USP48: variants seen among roughly 807,000 people sequenced by gnomAD.
The protein encoded by USP48 is ubiquitin specific peptidase 48, also known as ubiquitin carboxyl-terminal hydrolase 48.
USP48 carries 43 observed loss-of-function variants against 150.7 expected under a neutral mutation model. The observed-to-expected ratio is 0.29, with a 90% confidence interval of 0.22 to 0.37. The LOEUF (loss-of-function observed/expected upper bound fraction) is 0.37, where lower values mean the gene tolerates loss of function less well. USP48 is among the 10% of genes least tolerant of loss of function. The probability of loss-of-function intolerance (pLI) is 1.00; values close to 1 mark genes in which losing one functional copy is unlikely to be tolerated. For synonymous variants in USP48, 396 were observed against 425.9 expected (o/e 0.93, Z 0.86); for missense variants, 813 against 1,249.6 (o/e 0.65, Z 5.27).
At chr1:21,730,724 A>C (rs192627626) in intron 9 of USP48, among the ~76,000 whole-genome samples, 1 of 152,064 alleles carries the variant, frequency 6.6e-6, no homozygotes, top group Admixed American at 6.5e-5. Context: ...TGCAATCACT[A>C]AAGGGAATAT....
At chr1:21,714,182 A>G (rs1571823872) in intron 15 of USP48, among the ~76,000 whole-genome samples, 1 of 152,242 alleles carries the variant, frequency 6.6e-6, no homozygotes, top group Non-Finnish European at 1.5e-5. Flanking sequence ...CCTAAATATT[A>G]GCAATAAATT....
chr1:21,773,033 C>T (rs1205155869), intron 1 of USP48, among the ~76,000 whole-genome samples: 2 of 149,878 alleles, frequency 1.3e-5, no homozygotes, highest in Non-Finnish European at 1.5e-5. Context: ...CTGAGGCAGG[C>T]GGATCACATG....
chr1:21,680,880 G>A (rs201369975), intron 25 of USP48, 46 bp from the exon 26 acceptor site: 99 of 1,450,450 alleles, frequency 6.8e-5, no homozygotes, highest in Admixed American at 6.5e-4. Context: ...AAAGATTGTC[G>A]TGACAGACAG....
At chr1:21,753,223 A>C in intron 3 of USP48, 104 bp from the exon 4 acceptor site, 1 of 1,167,780 alleles carries the variant, frequency 8.6e-7, no homozygotes. Flanking sequence ...CTCTACATCC[A>C]AACTAGATTA....
chr1:21,764,489 A>T (rs1403752485), intron 1 of USP48, among the ~76,000 whole-genome samples: 3 of 151,098 alleles, frequency 2.0e-5, no homozygotes, highest in Non-Finnish European at 4.4e-5. Context: ...CTGGTGGATT[A>T]TGAGGTCAGG....
rs560693547 is a variant in USP48, at chr1:21,761,929, A to G, written c.135-4146T>C. Reference sequence around the variant, plus strand: ...AAGCTAGGGTTTTGTTTTAGTGCTTATAACTCATCTCTAATGGGAAAGGTC... The same window carrying G: ...AAGCTAGGGTTTTGTTTTAGTGCTTGTAACTCATCTCTAATGGGAAAGGTC... On this transcript the variant is annotated intron_variant, in intron 1 of 26. Transcript: ENST00000308271. Among the ~76,000 whole-genome samples the G allele has an allele frequency of 8.5e-5, 13 of 152,336 alleles. No homozygotes were observed. In the East Asian group the frequency reaches 1.3e-3, roughly 16 times the overall value.
chr1:21,680,845 GA>G lies in USP48; in HGVS notation c.3059-12del. ...CTTCTGGCATACAAACTGAAAAAAA[GA>G]AAAAAAGAAGAATTCCAAATTGAAA... is the stretch of plus-strand genomic sequence containing the variant. On this transcript the variant is annotated splice_polypyrimidine_tract_variant and intron_variant, in intron 25 of 26. Transcript: ENST00000308271. 6.3e-7 allele frequency: 1 copy of G among 1,580,536 alleles called. No homozygotes were observed. Among genetic ancestry groups the G allele is most frequent in the Admixed American group, 1.9e-5 (1 of 52,152 alleles).
At chr1:21,746,054 T>C (rs2097793757) in intron 8 of USP48, among the ~76,000 whole-genome samples, 1 of 152,210 alleles carries the variant, frequency 6.6e-6, no homozygotes, top group Admixed American at 6.5e-5. Context: ...TTCCCAATCA[T>C]GTCTCTTAAA....
intron 1 of USP48, among the ~76,000 whole-genome samples, chr1:21,772,619 T>C (rs2097884585): frequency 7.5e-6 from 1 of 133,790 alleles, no homozygotes. Context: ...CGAGGCTCCA[T>C]CTCAAAAAAA....
chr1:21,765,261 G>C (rs1344530642), intron 1 of USP48, among the ~76,000 whole-genome samples: 1 of 152,208 alleles, frequency 6.6e-6, no homozygotes, highest in African/African-American at 2.4e-5. Flanking sequence ...GTTTGGTTAT[G>C]ACGTACTAAG....
chr1:21,735,582 C>T (rs1032101580), intron 9 of USP48, among the ~76,000 whole-genome samples: 1 of 152,186 alleles, frequency 6.6e-6, no homozygotes. Flanking sequence ...GAAACCCTGT[C>T]TCTATTAAAA....
intron 23 of USP48, among the ~76,000 whole-genome samples, chr1:21,693,515 G>A (rs1309192582): frequency 1.3e-5 from 2 of 152,212 alleles, no homozygotes; most frequent in African/African-American, 4.8e-5. Context: ...TCTGGGGGCT[G>A]TGTGAACAGC....
chr1:21,707,555 C>T (rs1166493048), intron 15 of USP48, among the ~76,000 whole-genome samples: 2 of 152,084 alleles, frequency 1.3e-5, no homozygotes, highest in Middle Eastern at 3.2e-3. Flanking sequence ...TACTAGTCAC[C>T]GCCACCCTGC....
At chr1:21,713,034 C>T (rs1044569003) in intron 15 of USP48, among the ~76,000 whole-genome samples, 1 of 152,066 alleles carries the variant, frequency 6.6e-6, no homozygotes, top group Non-Finnish European at 1.5e-5. Flanking sequence ...ATTTCTTCCT[C>T]TCTCCCTCAC....
chr1:21,774,035 T>C (rs1350162060), intron 1 of USP48, among the ~76,000 whole-genome samples: 2 of 151,710 alleles, frequency 1.3e-5, no homozygotes, highest in Admixed American at 6.6e-5. Context: ...AATAATTAGG[T>C]GGGTATGGTG....
At chr1:21,763,837 A>AAGGG (rs1220123933) in intron 1 of USP48, among the ~76,000 whole-genome samples, 10 of 147,086 alleles carry the variant, frequency 6.8e-5, no homozygotes, top group South Asian at 4.7e-4. Flanking sequence ...GGGAGGAAGG[A>AAGGG]AGGGAGGGAG....
intron 14 of USP48, among the ~76,000 whole-genome samples, chr1:21,718,174 A>G (rs1478256232): frequency 1.3e-5 from 2 of 152,248 alleles, no homozygotes; most frequent in Non-Finnish European, 2.9e-5. Flanking sequence ...AAGGACCCTC[A>G]CTGCATCTGT....
intron 22 of USP48, among the ~76,000 whole-genome samples, chr1:21,700,083 T>C (rs1443613590): frequency 6.6e-6 from 1 of 150,814 alleles, no homozygotes. Flanking sequence ...CCCTGTTCCT[T>C]ATGCCAAGGA....
intron 24 of USP48, 49 bp downstream of exon 24, chr1:21,689,925 T>A: frequency 6.2e-7 from 1 of 1,606,848 alleles, no homozygotes; most frequent in Non-Finnish European, 8.5e-7. Context: ...CACATAGTTA[T>A]GTAACATGTA....
Sources: allele counts gnomAD v4.1 joint callset (sites outside exome capture counted in the v4.1 genomes callset), GRCh38; gene constraint gnomAD v4.1.1; transcripts MANE v1.5; gene names NCBI Gene and HGNC (gene_info 2026-07-23, HGNC 2026-07-21).